Variants in RASSF8 observed in about 807,000 individuals in gnomAD.
RASSF8 encodes ras association domain-containing protein 8.
A neutral mutation model predicts 48.5 loss-of-function variants in RASSF8; 22 were observed. That is an observed-to-expected ratio of 0.45 (90% CI 0.32 to 0.65). The LOEUF is 0.65. Among genes scored for constraint, RASSF8 ranks in the 30% least tolerant of loss-of-function variants. RASSF8 has a pLI of 0.03. For synonymous variants in RASSF8, 127 were observed against 171.5 expected (o/e 0.74, Z 2.03); for missense variants, 418 against 489.2 (o/e 0.85, Z 1.37).
rs560878414 is a variant in RASSF8, at chr12:26,052,798, A to C, written c.-108-2438A>C. On this transcript the variant is annotated intron_variant, in intron 2 of 5. Coordinates refer to ENST00000689635, the MANE Select transcript of RASSF8 (RefSeq NM_001394098.1). ...CTCTCCTCCCATTTGACTACACTTT[A>C]TTTCTTTCTCTTGCCTGATTGCCCT... The C allele has an allele frequency of 2.6e-5, 4 of 152,318 alleles. No individual in the cohort carries two copies. In the South Asian group the frequency reaches 6.2e-4, roughly 24 times the overall value. 9.4% of individuals were successfully genotyped at this position (152,318 alleles called of 1,614,324 possible).
intron 2 of RASSF8, among the ~76,000 whole-genome samples, chr12:26,050,282 T>G (rs1047315376): frequency 6.6e-6 from 1 of 152,246 alleles, no homozygotes; most frequent in Non-Finnish European, 1.5e-5. Flanking sequence ...TCAGATGCTC[T>G]TATTAGTATA....
downstream of RASSF8, among the ~76,000 whole-genome samples, chr12:26,076,856 G>T (rs1296942986): frequency 6.6e-6 from 1 of 152,140 alleles, no homozygotes; most frequent in East Asian, 1.9e-4. Context: ...TTCCACAATG[G>T]TCGAACTAGT....
At chr12:26,030,513 C>G (rs962751280) in intron 2 of RASSF8, among the ~76,000 whole-genome samples, 4 of 152,170 alleles carry the variant, frequency 2.6e-5, no homozygotes, top group African/African-American at 9.7e-5. Flanking sequence ...TTGTCTATCA[C>G]ACATGGAAAT....
chr12:26,020,687 A>G (rs1410516876), intron 2 of RASSF8, among the ~76,000 whole-genome samples: 1 of 152,200 alleles, frequency 6.6e-6, no homozygotes, highest in Non-Finnish European at 1.5e-5. Context: ...AAAAAAGACT[A>G]CCATTTAATA....
chr12:25,989,799 G>A (rs998478075), intron 1 of RASSF8, among the ~76,000 whole-genome samples: 8 of 151,954 alleles, frequency 5.3e-5, no homozygotes, highest in African/African-American at 1.9e-4. Context: ...GCATGGGGGT[G>A]GAGGAATTAT....
downstream of RASSF8, among the ~76,000 whole-genome samples, chr12:26,076,970 G>C (rs567279563): frequency 5.3e-5 from 8 of 152,344 alleles, no homozygotes; most frequent in African/African-American, 1.9e-4. Context: ...ACTGGTGTGA[G>C]ATGGTATCTC....
chr12:26,019,405 A>G (rs1016703262), intron 2 of RASSF8, among the ~76,000 whole-genome samples: 1 of 152,212 alleles, frequency 6.6e-6, no homozygotes, highest in Non-Finnish European at 1.5e-5. Context: ...ATCTGCACGC[A>G]TGAAATTATA....
intron 4 of RASSF8, 130 bp from the exon 5 acceptor site, chr12:26,067,439 T>G: frequency 9.9e-7 from 1 of 1,006,654 alleles, no homozygotes; most frequent in Non-Finnish European, 1.4e-6. Context: ...TAAACCAGAT[T>G]TGTTAAATGT....
chr12:25,976,604 A>T (rs1257300191), intron 1 of RASSF8, among the ~76,000 whole-genome samples: 1 of 152,214 alleles, frequency 6.6e-6, no homozygotes, highest in Non-Finnish European at 1.5e-5. Flanking sequence ...TTTGGACCCA[A>T]GAAGATTCAG....
intron 1 of RASSF8, among the ~76,000 whole-genome samples, chr12:25,992,715 C>T (rs1386509208): frequency 6.6e-6 from 1 of 152,158 alleles, no homozygotes; most frequent in Non-Finnish European, 1.5e-5. Context: ...TGGGCCTGGA[C>T]AGCCACGGGA....
intron 1 of RASSF8, chr12:25,974,004 A>G (rs1941544595): frequency 6.6e-6 from 1 of 152,068 alleles, no homozygotes; most frequent in Non-Finnish European, 1.5e-5. Flanking sequence ...GTTATTAGGA[A>G]GTGAAAACAG....
At chr12:26,038,627 A>G in intron 2 of RASSF8, among the ~76,000 whole-genome samples, 1 of 131,820 alleles carries the variant, frequency 7.6e-6, no homozygotes, top group East Asian at 2.2e-4. Context: ...ACACACACAC[A>G]CACACACACA....
At chr12:26,075,201 C>G (rs1480648134), downstream of RASSF8, among the ~76,000 whole-genome samples, 2 of 152,162 alleles carry the variant, frequency 1.3e-5, no homozygotes, top group Non-Finnish European at 2.9e-5. Flanking sequence ...ATCAAAGATA[C>G]TCCAGGTGTT....
chr12:26,020,948 C>T (rs1248025274), intron 2 of RASSF8, among the ~76,000 whole-genome samples: 1 of 152,138 alleles, frequency 6.6e-6, no homozygotes, highest in Non-Finnish European at 1.5e-5. Context: ...TTTCTAAGCA[C>T]TCAGGGCAAT....
At chr12:26,027,277 A>G (rs767920888) in intron 2 of RASSF8, among the ~76,000 whole-genome samples, 9 of 152,224 alleles carry the variant, frequency 5.9e-5, no homozygotes, top group Non-Finnish European at 1.0e-4. Flanking sequence ...TGATAGTTCC[A>G]TAATTTTGTG....
intron 1 of RASSF8, among the ~76,000 whole-genome samples, chr12:25,966,144 C>T (rs1326141643): frequency 2.6e-5 from 4 of 152,206 alleles, no homozygotes; most frequent in Admixed American, 6.5e-5. Flanking sequence ...ATTTTACATT[C>T]TTAACCACCA....
At chr12:25,975,745 T>G (rs1246187000) in intron 1 of RASSF8, among the ~76,000 whole-genome samples, 2 of 152,126 alleles carry the variant, frequency 1.3e-5, no homozygotes, top group Non-Finnish European at 2.9e-5. Flanking sequence ...GAGGAAGCTA[T>G]TTAGAAGGTA....
At chr12:26,053,615 TA>T (rs10712658) in intron 2 of RASSF8, among the ~76,000 whole-genome samples, 105,356 of 151,970 alleles carry the variant, frequency 0.69, 36,576 homozygotes, top group East Asian at 0.8. Context: ...CTGGCTTTCT[TA>T]ACATTTCTTT....
At chr12:25,993,851 T>C (rs976281599) in intron 1 of RASSF8, among the ~76,000 whole-genome samples, 4 of 152,230 alleles carry the variant, frequency 2.6e-5, no homozygotes, top group African/African-American at 9.6e-5. Context: ...AAAAATAATG[T>C]GACTGCTACT....
Sources: allele counts gnomAD v4.1 joint callset (sites outside exome capture counted in the v4.1 genomes callset), GRCh38; gene constraint gnomAD v4.1.1; transcripts MANE v1.5; gene names NCBI Gene and HGNC (gene_info 2026-07-23, HGNC 2026-07-21).